BCLAF1: variants seen among roughly 807,000 people sequenced by gnomAD.
BCLAF1 encodes BCL2 associated transcription factor 1.
BCLAF1 carries 10 observed loss-of-function variants against 99.5 expected under a neutral mutation model. The ratio of observed to expected loss-of-function variants is 0.10; its 90% CI spans 0.06 to 0.17. BCLAF1 has a LOEUF of 0.17. BCLAF1 is among the 10% of genes least tolerant of loss of function. The probability of loss-of-function intolerance (pLI) is 1.00; values close to 1 mark genes in which losing one functional copy is unlikely to be tolerated. For synonymous variants in BCLAF1, 255 were observed against 370.9 expected, an observed-to-expected ratio of 0.69 and a Z score of 3.59; for missense variants, 636 against 1,105.8, an observed-to-expected ratio of 0.58 and a Z score of 6.02.
chr6:136,274,578 A>G (rs891364913), intron 6 of BCLAF1, among the ~76,000 whole-genome samples: 2 of 152,058 alleles, frequency 1.3e-5, no homozygotes, highest in African/African-American at 4.8e-5. Flanking sequence ...TATCAACTGC[A>G]TAAAGAACTG....
chr6:136,272,505 G>A (rs549003963), intron 7 of BCLAF1, among the ~76,000 whole-genome samples: 4 of 151,946 alleles, frequency 2.6e-5, no homozygotes, highest in African/African-American at 9.6e-5. Flanking sequence ...CAACTACCCA[G>A]TGCTTCTTTA....
In BCLAF1 at chr6:136,267,083, C is replaced by T. The variant is rs1374526115; in HGVS notation, c.2490G>A (p.Pro830=). 2 of 1,613,112 alleles carry T rather than the reference C, an allele frequency of 1.2e-6. No homozygotes were observed. The highest frequency in any genetic ancestry group is 1.7e-5 in the Admixed American group (1 of 59,944). Residue 830 remains proline (P), a synonymous_variant, in exon 11 of 13, where the codon CCG becomes CCA. Transcript: ENST00000531224. ...ATTCTGGATCCCATTCCTCTTCCTT[C>T]GGTCTCTTTTGAAAAGTAGTATTTG... ...NNSNTTFQKR[P]KEEEWDPEYT...
chr6:136,284,126 G>GTATATA (rs1212310238), intron 1 of BCLAF1, among the ~76,000 whole-genome samples: 6 of 76,122 alleles, frequency 7.9e-5, no homozygotes, highest in African/African-American at 5.0e-4. Context: ...ATGTGTGTGT[G>GTATATA]TGTGTATATA....
intron 11 of BCLAF1, among the ~76,000 whole-genome samples, chr6:136,263,269 GTA>G (rs1373152647): frequency 6.6e-5 from 10 of 152,094 alleles, no homozygotes; most frequent in Non-Finnish European, 1.5e-4. Flanking sequence ...CTTGGTGGCA[GTA>G]TATGATTACC....
At chr6:136,261,204 AT>A in intron 12 of BCLAF1, 60 bp downstream of exon 12, 1 of 1,572,734 alleles carries the variant, frequency 6.4e-7, no homozygotes, top group East Asian at 2.2e-5. Flanking sequence ...AAATGAAATA[AT>A]TCACCCACCA....
chr6:136,275,444 G>A, intron 6 of BCLAF1, 88 bp downstream of exon 6: 1 of 1,276,182 alleles, frequency 7.8e-7, no homozygotes, highest in Non-Finnish European at 1.0e-6. Flanking sequence ...CTAGCCCTGG[G>A]GTACATGAAT....
chr6:136,271,862 C>A, intron 8 of BCLAF1, 133 bp downstream of exon 8: 2 of 657,020 alleles, frequency 3.0e-6, no homozygotes, highest in Non-Finnish European at 2.6e-6. Context: ...ACAGTATGTA[C>A]ACTACCATAA....
At position 136,267,050 on chromosome 6, in the gene BCLAF1, T is replaced by C. The variant is rs763595083; in HGVS notation, c.2523A>G (p.Pro841=). Residue 841 remains proline (P), a synonymous_variant, in exon 11 of 13, where the codon CCA becomes CCG. Transcript: ENST00000531224. ...KEEEWDPEYT[P]KSKKYFLHDD... ...CCACCAAGAAGTACTTCTTGCTCTT[T>C]GGGGTATATTCTGGATCCCATTCCT... The C allele has an allele frequency of 6.2e-7, 1 of 1,613,140 alleles. No individual in the cohort carries two copies. Among genetic ancestry groups the C allele is most frequent in the Admixed American group, 1.7e-5 (1 of 59,974 alleles).
At chr6:136,269,043 C>T (rs1404567607) in intron 9 of BCLAF1, 1 of 902,962 alleles carries the variant, frequency 1.1e-6, no homozygotes, top group East Asian at 8.2e-5. Context: ...CCCATCTCTC[C>T]CATGTTAAAC....
chr6:136,286,695 C>A (rs908833887), intron 1 of BCLAF1, among the ~76,000 whole-genome samples: 1 of 152,142 alleles, frequency 6.6e-6, no homozygotes, highest in African/African-American at 2.4e-5. Context: ...GGGCTGGGTG[C>A]GGTGGCTTAC....
chr6:136,284,839 GGA>G (rs1040241329), intron 1 of BCLAF1, among the ~76,000 whole-genome samples: 1 of 151,970 alleles, frequency 6.6e-6, no homozygotes, highest in African/African-American at 2.4e-5. Context: ...TGGAGGGGGG[GGA>G]AAAGTACAAG....
intron 9 of BCLAF1, among the ~76,000 whole-genome samples, chr6:136,268,832 T>A (rs1782111091): frequency 6.6e-6 from 1 of 151,848 alleles, no homozygotes; most frequent in Non-Finnish European, 1.5e-5. Context: ...AATCCACCAT[T>A]TACCTAATGA....
At chr6:136,284,128 G>GTATATATATATATATATATATATATA (rs1242722909) in intron 1 of BCLAF1, among the ~76,000 whole-genome samples, 3 of 81,350 alleles carry the variant, frequency 3.7e-5, no homozygotes, top group African/African-American at 1.4e-4. Flanking sequence ...GTGTGTGTGT[G>GTATATATATATATATATATATATATA]TGTATATATA....
chr6:136,279,757 A>T lies in BCLAF1; in HGVS notation c.104+6T>A, dbSNP rs1017921508. 6.4e-7 allele frequency: 1 copy of T among 1,555,984 alleles called. No individual in the cohort carries two copies. Among genetic ancestry groups the T allele is most frequent in the Non-Finnish European group, 8.7e-7 (1 of 1,153,194 alleles). Reference sequence around the variant, plus strand: ...TATTTTAAAAATTTAAAGCACATTAAATCACCTGTATCGCTTCTTTCTAGA... The same window carrying T: ...TATTTTAAAAATTTAAAGCACATTATATCACCTGTATCGCTTCTTTCTAGA... On this transcript the variant is annotated splice_donor_region_variant and intron_variant, in intron 3 of 12. Transcript: ENST00000531224.
rs201775134 is a variant in BCLAF1 at position 136,287,545 on chromosome 6, T to A, written c.-115+2168A>T. 5.9e-5 allele frequency among the ~76,000 whole-genome samples: 9 copies of A among 152,296 alleles called. No individual in the cohort carries two copies. The East Asian group carries it at 1.7e-3, about 29-fold the overall frequency. On this transcript the variant is annotated intron_variant, in intron 1 of 12. Transcript: ENST00000531224. ...CTTCTTAATTCCCTCTTCTACTTAT[T>A]TGGTAAATAACAAATCACTGTAAAT...
chr6:136,273,886 G>A, intron 6 of BCLAF1: 1 of 842,398 alleles, frequency 1.2e-6, no homozygotes, highest in South Asian at 2.5e-5. Context: ...GACGTATAAA[G>A]TCATGAGCTA....
At chr6:136,267,265 A>T in intron 10 of BCLAF1, 90 bp from the exon 11 acceptor site, 1 of 1,372,454 alleles carries the variant, frequency 7.3e-7, no homozygotes, top group Non-Finnish European at 1.0e-6. Context: ...AACAAAAAAC[A>T]TATGCCCTAA....
intron 1 of BCLAF1, among the ~76,000 whole-genome samples, 189 bp downstream of exon 1, chr6:136,289,524 G>C (rs1161769305): frequency 1.3e-5 from 2 of 152,144 alleles, no homozygotes; most frequent in Non-Finnish European, 2.9e-5. Context: ...GCCCCCGCCC[G>C]GCCTTTTCGG....
At chr6:136,285,847 C>T (rs1457317790) in intron 1 of BCLAF1, among the ~76,000 whole-genome samples, 1 of 152,140 alleles carries the variant, frequency 6.6e-6, no homozygotes, top group Non-Finnish European at 1.5e-5. Flanking sequence ...CGCCTGTAAT[C>T]CCAGCACTTT....
Sources: gnomAD v4.1 joint callset for allele counts (sites outside exome capture counted in the v4.1 genomes callset) on GRCh38, gnomAD v4.1.1 for gene constraint, MANE v1.5 for transcripts, NCBI Gene and HGNC (gene_info 2026-07-23, HGNC 2026-07-21) for gene names.